The following ANK3 variants were observed in gnomAD, a reference collection of about 807,000 sequenced individuals.
ANK3 encodes the protein ankyrin 3, also known as ankyrin-3.
Under a neutral mutation model 370.9 loss-of-function variants are expected in ANK3, and 57 were observed. That is an observed-to-expected ratio of 0.15 (90% CI 0.12 to 0.19). The LOEUF (loss-of-function observed/expected upper bound fraction) is 0.19. Ranked by LOEUF, ANK3 falls within the 10% of genes least tolerant of loss-of-function variation. The pLI is 1.00. For missense variants in ANK3, 4,439 were observed against 5,302.1 expected (o/e 0.84, Z 5.06); for synonymous variants, 1,929 against 1,946.3 (o/e 0.99, Z 0.23).
chr10:60,268,362 A>C (rs2097912419), intron 5 of ANK3, among the ~76,000 whole-genome samples: 1 of 152,212 alleles, frequency 6.6e-6, no homozygotes, highest in Non-Finnish European at 1.5e-5. Context: ...CTCAGGGCAA[A>C]CCACTGGTAA....
intron 2 of ANK3, among the ~76,000 whole-genome samples, chr10:60,614,489 G>A (rs2078241882): frequency 6.6e-6 from 1 of 152,144 alleles, no homozygotes. Flanking sequence ...ACCCTTACCT[G>A]ACCCTGCTGG....
chr10:60,399,037 G>A (rs1261922708), intron 2 of ANK3, among the ~76,000 whole-genome samples: 1 of 152,106 alleles, frequency 6.6e-6, no homozygotes, highest in Non-Finnish European at 1.5e-5. Context: ...GGCAACACAT[G>A]GGAATACATA....
intron 2 of ANK3, among the ~76,000 whole-genome samples, chr10:60,525,377 T>C (rs891512767): frequency 6.6e-6 from 1 of 152,126 alleles, no homozygotes; most frequent in Non-Finnish European, 1.5e-5. Flanking sequence ...CTATAAGGTA[T>C]ACTAGGAAAA....
chr10:60,570,343 C>T (rs542701567), intron 2 of ANK3, among the ~76,000 whole-genome samples: 3 of 152,234 alleles, frequency 2.0e-5, no homozygotes, highest in South Asian at 2.1e-4. Flanking sequence ...GTATAAGGTG[C>T]TGTGTTCATC....
chr10:60,321,436 A>G (rs2048649175), intron 1 of ANK3, among the ~76,000 whole-genome samples: 1 of 150,916 alleles, frequency 6.6e-6, no homozygotes, highest in African/African-American at 2.4e-5. Flanking sequence ...AGAAAAGAAA[A>G]GGCATAGCTT....
At chr10:60,341,328 T>C (rs1020078488) in intron 1 of ANK3, among the ~76,000 whole-genome samples, 10 of 152,212 alleles carry the variant, frequency 6.6e-5, no homozygotes, top group Non-Finnish European at 1.5e-4. Context: ...TTCTGGCTTA[T>C]GTTGGTTACC....
At chr10:60,062,361 T>G (rs934868100) in intron 40 of ANK3, 1 of 152,250 alleles carries the variant, frequency 6.6e-6, no homozygotes, top group African/African-American at 2.4e-5. Context: ...ATTTATTATG[T>G]TTTTCTTAAT....
chr10:60,443,864 G>A (rs545899889), intron 2 of ANK3, among the ~76,000 whole-genome samples: 1 of 152,036 alleles, frequency 6.6e-6, no homozygotes, highest in East Asian at 1.9e-4. Context: ...CCTCTGATAG[G>A]TGCCAAGCAA....
At chr10:60,596,227 AATAATTAG>A (rs1216961807) in intron 2 of ANK3, among the ~76,000 whole-genome samples, 15 of 152,148 alleles carry the variant, frequency 9.9e-5, no homozygotes, top group Admixed American at 9.2e-4. Flanking sequence ...TGTTCTCTTT[AATAATTAG>A]ATACTGGGAA....
At chr10:60,416,898 A>G (rs1010857005) in intron 2 of ANK3, among the ~76,000 whole-genome samples, 2 of 152,170 alleles carry the variant, frequency 1.3e-5, no homozygotes, top group African/African-American at 2.4e-5. Flanking sequence ...GAGTGTTTTA[A>G]GATATATAAA....
At chr10:60,417,092 T>C (rs1212597338) in intron 2 of ANK3, among the ~76,000 whole-genome samples, 1 of 152,088 alleles carries the variant, frequency 6.6e-6, no homozygotes. Context: ...TAATGGAGGA[T>C]AACACTCAGC....
At chr10:60,415,930 C>CG (rs1555369992) in intron 2 of ANK3, among the ~76,000 whole-genome samples, 1 of 132,168 alleles carries the variant, frequency 7.6e-6, no homozygotes, top group South Asian at 2.9e-4. Flanking sequence ...CCCACCCCCC[C>CG]GCCATTCATG....
intron 16 of ANK3, among the ~76,000 whole-genome samples, chr10:60,192,817 C>A (rs2096514602): frequency 6.6e-6 from 1 of 152,168 alleles, no homozygotes; most frequent in Non-Finnish European, 1.5e-5. Flanking sequence ...TGTAACACAA[C>A]TGCACTTGTA....
intron 1 of ANK3, among the ~76,000 whole-genome samples, chr10:60,351,410 C>T (rs780690505): frequency 1.1e-4 from 16 of 152,150 alleles, no homozygotes; most frequent in South Asian, 2.1e-4. Context: ...TCACCCAGAA[C>T]GTACATCTGC....
intron 1 of ANK3, among the ~76,000 whole-genome samples, chr10:60,357,978 ACT>A (rs1032128963): frequency 9.9e-5 from 15 of 151,710 alleles, no homozygotes; most frequent in African/African-American, 3.6e-4. Flanking sequence ...CCTCTCAAAA[ACT>A]CAGCTTTTGC....
At chr10:60,266,693 G>T (rs189614774) in intron 5 of ANK3, among the ~76,000 whole-genome samples, 1 of 152,172 alleles carries the variant, frequency 6.6e-6, no homozygotes, top group Admixed American at 6.5e-5. Flanking sequence ...AAGACACAAA[G>T]ATACCAGCTC....
chr10:60,528,137 C>CTTTTTT (rs10677013), intron 2 of ANK3, among the ~76,000 whole-genome samples: 2 of 111,062 alleles, frequency 1.8e-5, no homozygotes, highest in Non-Finnish European at 1.8e-5. Context: ...TCTTCTTCTT[C>CTTTTTT]TTTTTTTTTT....
chr10:60,485,784 A>G (rs542218725), intron 2 of ANK3, among the ~76,000 whole-genome samples: 1 of 152,294 alleles, frequency 6.6e-6, no homozygotes, highest in Admixed American at 6.5e-5. Context: ...ACAACATAGG[A>G]TGGCTTGGAA....
At chr10:60,490,997 C>T (rs1258480897) in intron 2 of ANK3, among the ~76,000 whole-genome samples, 2 of 152,172 alleles carry the variant, frequency 1.3e-5, no homozygotes, top group East Asian at 1.9e-4. Flanking sequence ...TTAACTTTGC[C>T]TGTACTGCAA....
Sources: allele counts gnomAD v4.1 joint callset (sites outside exome capture counted in the v4.1 genomes callset), GRCh38; gene constraint gnomAD v4.1.1; transcripts MANE v1.5; gene names NCBI Gene and HGNC (gene_info 2026-07-23, HGNC 2026-07-21).